GNG7: variants seen among roughly 807,000 people sequenced by gnomAD.
GNG7 encodes the protein guanine nucleotide-binding protein G(I)/G(S)/G(O) subunit gamma-7.
A neutral mutation model predicts 4.0 loss-of-function variants in GNG7; 1 was observed. The ratio of observed to expected loss-of-function variants is 0.25; its 90% CI spans 0.09 to 1.18. GNG7 has a LOEUF of 1.18. Ranked by LOEUF, GNG7 falls within the 50% of genes most tolerant of loss-of-function variation. The pLI is 0.50. For missense variants in GNG7, 86 were observed against 91.9 expected (o/e 0.94, Z 0.26); for synonymous variants, 34 against 36.9 (o/e 0.92, Z 0.29).
In GNG7 at chr19:2,633,428, G is replaced by C. The variant is rs900271586; in HGVS notation, c.-78+12796C>G. On this transcript the variant is annotated intron_variant, in intron 2 of 4. Coordinates refer to ENST00000382159, the MANE Select transcript of GNG7 (RefSeq NM_052847.3). This position sits in a 1 kb window ranked among gnomAD's most constrained non-coding sequence, Gnocchi z 5.9. ...TGACCAAGTTGGTGCCTCATCCCTC[G>C]TTCTGTGGGAGGCTGACTGTTCAAG... Among the ~76,000 whole-genome samples the C allele has an allele frequency of 1.3e-5, 2 of 151,730 alleles. No individual in the cohort carries two copies. Among genetic ancestry groups the C allele is most frequent in the Non-Finnish European group, 2.9e-5 (2 of 67,972 alleles).
chr19:2,629,448 G>A (rs1194873263), intron 2 of GNG7, among the ~76,000 whole-genome samples: 1 of 152,140 alleles, frequency 6.6e-6, no homozygotes, highest in Non-Finnish European at 1.5e-5. Context: ...GACGGGTCAG[G>A]TAAGTTGCCT....
chr19:2,513,042 G>A lies in GNG7; in HGVS notation c.*1980C>T, dbSNP rs1024071240. On this transcript the variant is annotated 3_prime_UTR_variant, in exon 5 of 5. Coordinates refer to ENST00000382159, the MANE Select transcript of GNG7 (RefSeq NM_052847.3). The stretch of plus-strand genomic sequence containing the variant: ...AAGCCCCAGCCCTCCCGGACCTGCC[G>A]TAGAGAGCTGGGTGCCGGGGGTGGG... The A allele has an allele frequency of 6.1e-5, 60 of 985,428 alleles. No individual in the cohort carries two copies. The highest frequency in any genetic ancestry group is 8.7e-5 in the African/African-American group (5 of 57,264). The allele number at this position is 985,428 out of a possible 1,614,324, so 61.0% of individuals were successfully genotyped here.
At chr19:2,576,088 CACAGACACACA>C in intron 2 of GNG7, among the ~76,000 whole-genome samples, 1 of 75,008 alleles carries the variant, frequency 1.3e-5, no homozygotes, top group African/African-American at 1.7e-4. Flanking sequence ...CAGACACACA[CACAGACACACA>C]CAGAACCAGA....
chr19:2,698,892 C>T (rs190695005), intron 1 of GNG7, among the ~76,000 whole-genome samples: 2 of 152,192 alleles, frequency 1.3e-5, no homozygotes, highest in South Asian at 4.2e-4. Context: ...CCAGGGTTTA[C>T]GAAGCATGAA....
At chr19:2,629,313 C>T (rs58737167) in intron 2 of GNG7, among the ~76,000 whole-genome samples, 30,740 of 152,142 alleles carry the variant, frequency 0.2, 5,937 homozygotes, top group African/African-American at 0.51. Context: ...CAGTCATCTC[C>T]TCCTTCCAGA....
intron 2 of GNG7, chr19:2,642,159 G>A (rs1982525449): frequency 6.3e-6 from 1 of 158,444 alleles, no homozygotes. Flanking sequence ...CTGCCTGCCA[G>A]GGAGCTGTTC....
At chr19:2,678,144 C>T in intron 1 of GNG7, among the ~76,000 whole-genome samples, 1 of 152,136 alleles carries the variant, frequency 6.6e-6, no homozygotes, top group East Asian at 1.9e-4. Flanking sequence ...TCCACTGTGG[C>T]CCTGAGTGGA....
chr19:2,651,345 TC>T (rs1982818522), intron 1 of GNG7, among the ~76,000 whole-genome samples: 4 of 21,056 alleles, frequency 1.9e-4, no homozygotes, highest in South Asian at 3.0e-3. Context: ...CTTCCCTCCA[TC>T]CCTCCCTCCC....
intron 1 of GNG7, among the ~76,000 whole-genome samples, chr19:2,661,302 G>GAAAGAAAAAGAAAGAAAGAAAGAAAGAA: frequency 1.5e-4 from 11 of 73,124 alleles, no homozygotes; most frequent in Middle Eastern, 7.0e-3. Flanking sequence ...AAGAAAGAAA[G>GAAAGAAAAAGAAAGAAAGAAAGAAAGAA]AGAAAGAAAG....
At chr19:2,549,293 G>A (rs1038909407) in intron 3 of GNG7, among the ~76,000 whole-genome samples, 1 of 144,620 alleles carries the variant, frequency 6.9e-6, no homozygotes, top group Non-Finnish European at 1.5e-5. Context: ...ACAGGGCTGT[G>A]TTTTTTTTTT....
intron 2 of GNG7, chr19:2,642,527 G>A (rs972874575): frequency 2.8e-6 from 1 of 351,258 alleles, no homozygotes; most frequent in African/African-American, 2.1e-5. Context: ...CACCACGCCT[G>A]GCTAATTTCT....
At chr19:2,654,213 CT>C (rs2144869777) in intron 1 of GNG7, among the ~76,000 whole-genome samples, 1 of 152,198 alleles carries the variant, frequency 6.6e-6, no homozygotes, top group East Asian at 1.9e-4. Context: ...GATTTCAAAC[CT>C]GTCATTTCTT....
At chr19:2,701,178 C>G (rs1474611084) in intron 1 of GNG7, 1 of 152,090 alleles carries the variant, frequency 6.6e-6, no homozygotes, top group Non-Finnish European at 1.5e-5. Flanking sequence ...CTTCAACTCA[C>G]TGTTCCCCAG....
At chr19:2,585,479 A>ATACTTGAG (rs1555695911) in intron 2 of GNG7, among the ~76,000 whole-genome samples, 2 of 151,678 alleles carry the variant, frequency 1.3e-5, no homozygotes, top group African/African-American at 4.9e-5. Flanking sequence ...AACAGTTGGC[A>ATACTTGAG]TATTTGAGTA....
At chr19:2,524,018 G>A (rs1054191910) in intron 3 of GNG7, among the ~76,000 whole-genome samples, 2 of 152,154 alleles carry the variant, frequency 1.3e-5, no homozygotes, top group Non-Finnish European at 2.9e-5. Flanking sequence ...AGGGAAAACC[G>A]CCCTTGGTTG....
chr19:2,640,696 G>A (rs960819823), intron 2 of GNG7, among the ~76,000 whole-genome samples: 17 of 151,728 alleles, frequency 1.1e-4, no homozygotes, highest in East Asian at 3.9e-4. Context: ...GTGTGATCTC[G>A]GCTCACTGCA....
At chr19:2,577,633 G>A (rs1191166180) in intron 2 of GNG7, among the ~76,000 whole-genome samples, 2 of 150,826 alleles carry the variant, frequency 1.3e-5, no homozygotes, top group Admixed American at 6.6e-5. Flanking sequence ...GCCAGGAGGC[G>A]GAGGTTGCAG....
chr19:2,671,680 A>C (rs1434399341), intron 1 of GNG7, among the ~76,000 whole-genome samples: 1 of 152,174 alleles, frequency 6.6e-6, no homozygotes, highest in Non-Finnish European at 1.5e-5. Flanking sequence ...CTCCTGCCCC[A>C]GTGGGTGTGA....
At chr19:2,539,032 A>G (rs563039193) in intron 3 of GNG7, among the ~76,000 whole-genome samples, 1 of 152,198 alleles carries the variant, frequency 6.6e-6, no homozygotes, top group South Asian at 2.1e-4. Context: ...CGGCCTCCCA[A>G]AGTGCTGGGA....
Sources: gnomAD v4.1 joint callset for allele counts (sites outside exome capture counted in the v4.1 genomes callset) on GRCh38, gnomAD v4.1.1 for gene constraint, Gnocchi (gnomAD v3.1) non-coding constraint, MANE v1.5 for transcripts, NCBI Gene and HGNC (gene_info 2026-07-23, HGNC 2026-07-21) for gene names.